Variants in DLG1 observed in about 807,000 individuals in gnomAD.
The protein encoded by DLG1 is disks large homolog 1.
In DLG1, 42 loss-of-function variants were observed where a neutral mutation model predicts 123.4. The ratio of observed to expected loss-of-function variants is 0.34; its 90% CI spans 0.27 to 0.44. The LOEUF is 0.44. DLG1 is among the 20% of genes least tolerant of loss of function. The pLI is 1.00. For synonymous variants in DLG1, 317 were observed against 356.2 expected, an observed-to-expected ratio of 0.89 and a Z score of 1.24; for missense variants, 942 against 1,082.6, an observed-to-expected ratio of 0.87 and a Z score of 1.82.
intron 5 of DLG1, among the ~76,000 whole-genome samples, chr3:197,172,896 G>A (rs948121834): frequency 2.0e-4 from 31 of 152,050 alleles, no homozygotes; most frequent in African/African-American, 7.2e-4. Context: ...TATTTTCATC[G>A]CTTTTCTATT....
chr3:197,297,387 G>T, intron 1 of DLG1, 152 bp from the exon 2 acceptor site: 3 of 1,439,964 alleles, frequency 2.1e-6, no homozygotes, highest in Admixed American at 2.8e-5. Context: ...CGCAGCAGTT[G>T]TCTGTCAACG....
chr3:197,044,125 T>C lies in DLG1; in HGVS notation c.*498A>G, dbSNP rs1450781799. On this transcript the variant is annotated 3_prime_UTR_variant, in exon 25 of 25. Transcript: ENST00000667157. ...ATTAAAAAATGTCCTTATTTATCTA[T>C]AATGAAACAATTGCTTTGATGATAG... 1 of 152,196 alleles carries C rather than the reference T, an allele frequency of 6.6e-6. No homozygotes were observed. Among genetic ancestry groups the C allele is most frequent in the African/African-American group, 2.4e-5 (1 of 41,448 alleles). The allele number at this position is 152,196 out of a possible 1,614,324, so 9.4% of individuals were successfully genotyped here.
At chr3:197,096,380 G>A (rs916945638) in intron 14 of DLG1, among the ~76,000 whole-genome samples, 3 of 152,140 alleles carry the variant, frequency 2.0e-5, no homozygotes, top group African/African-American at 4.8e-5. Flanking sequence ...TGGGCTCTGA[G>A]CATTCCCATA....
intron 5 of DLG1, among the ~76,000 whole-genome samples, chr3:197,180,445 T>C (rs13066853): frequency 0.29 from 43,609 of 152,050 alleles, 7,497 homozygotes; most frequent in East Asian, 0.72. Context: ...GGCTTCGCAA[T>C]GCATAGAGAA....
rs190880189 is a variant in DLG1, at chr3:197,122,283, C to T, written c.1166-2753G>A. 1.4e-4 allele frequency among the ~76,000 whole-genome samples: 21 copies of T among 152,032 alleles called. No homozygotes were observed. In the East Asian group the frequency reaches 4.1e-3, roughly 29 times the overall value. On this transcript the variant is annotated intron_variant, in intron 11 of 24. Coordinates refer to ENST00000667157, the MANE Select transcript of DLG1 (RefSeq NM_001366207.1). ...CAATACTTACAGGATAAAAACTCCC[C>T]ATAAACCAGGAATAAAGATTAACTT...
At chr3:197,221,218 A>C (rs1578254125) in intron 4 of DLG1, among the ~76,000 whole-genome samples, 2 of 152,194 alleles carry the variant, frequency 1.3e-5, no homozygotes, top group East Asian at 1.9e-4. Flanking sequence ...AGTGAGAAGG[A>C]TAAAGAAACA....
chr3:197,273,484 C>T lies in DLG1; in HGVS notation c.318+9195G>A, dbSNP rs1307296627. Reference sequence around the variant, plus strand: ...AACTCCTGACCTCAAGTGATCTGCCCGCCTCTGCCTCCCAAAGTGCTGGGA... The same window carrying T: ...AACTCCTGACCTCAAGTGATCTGCCTGCCTCTGCCTCCCAAAGTGCTGGGA... On this transcript the variant is annotated intron_variant, in intron 4 of 24. Transcript: ENST00000667157. Among the ~76,000 whole-genome samples, 16 of 152,072 alleles carry T rather than the reference C, an allele frequency of 1.1e-4. No homozygotes were observed. The East Asian group carries it at 1.2e-3, about 11-fold the overall frequency.
rs1299662042 is a variant in DLG1, at chr3:197,130,520, GACTT to G, written c.1165+3_1165+6del. 6.3e-7 allele frequency: 1 copy of G among 1,592,310 alleles called. No individual in the cohort carries two copies. The highest frequency in any genetic ancestry group is 1.3e-5 in the African/African-American group (1 of 74,352). ...AAATTTAAGCAAACGTATGCTAACA[GACTT>G]ACAGTTGGTGATATCAGGTGGTGCA... is the stretch of plus-strand genomic sequence containing the variant. On this transcript the variant is annotated splice_donor_5th_base_variant and intron_variant, in intron 11 of 24. Coordinates refer to ENST00000667157, the MANE Select transcript of DLG1 (RefSeq NM_001366207.1).
chr3:197,282,955 C>T lies in DLG1; in HGVS notation c.152-110G>A, dbSNP rs958089870. On this transcript the variant is annotated intron_variant, in intron 3 of 24. Transcript: ENST00000667157. The stretch of plus-strand genomic sequence containing the variant: ...CAATTTTTACTCTAGATTAGTAAAT[C>T]AATTCCCATCGTATAATGTACTTAA... 7 of 588,664 alleles carry T rather than the reference C, an allele frequency of 1.2e-5. No homozygotes were observed. In the African/African-American group the frequency reaches 1.3e-4, roughly 11 times the overall value. The allele number at this position is 588,664 out of a possible 1,614,324, so 36.5% of individuals were successfully genotyped here.
At chr3:197,176,715 G>T (rs1807296174) in intron 5 of DLG1, among the ~76,000 whole-genome samples, 1 of 152,102 alleles carries the variant, frequency 6.6e-6, no homozygotes, top group Admixed American at 6.5e-5. Flanking sequence ...TGAGGAATAT[G>T]TTGGTTGCTT....
intron 24 of DLG1, among the ~76,000 whole-genome samples, chr3:197,048,137 TAAA>T (rs1724700150): frequency 6.6e-6 from 1 of 152,202 alleles, no homozygotes; most frequent in South Asian, 2.1e-4. Context: ...CAGGTATCAG[TAAA>T]AGTGCTCAAC....
chr3:197,088,747 TG>T (rs1346454551), intron 15 of DLG1, among the ~76,000 whole-genome samples: 1 of 152,112 alleles, frequency 6.6e-6, no homozygotes, highest in Non-Finnish European at 1.5e-5. Flanking sequence ...AACTCTACAG[TG>T]GTTACTGGAA....
At chr3:197,183,615 CTG>C in intron 5 of DLG1, 1 of 1,550,496 alleles carries the variant, frequency 6.4e-7, no homozygotes, top group Non-Finnish European at 8.7e-7. Flanking sequence ...GTCAATAAAG[CTG>C]TGTCTTCGAG....
At position 197,042,917 on chromosome 3, in the gene DLG1, A is replaced by AC. The variant is rs1161497288; in HGVS notation, c.*1705dup. ...TTTTTTCTTTCAAAATTCAAGACAC[A>AC]CTTAACATATGGATTTTACAATACA... On this transcript the variant is annotated 3_prime_UTR_variant, in exon 25 of 25. Transcript: ENST00000667157. The AC allele has an allele frequency of 6.6e-6, 1 of 152,188 alleles. No homozygotes were observed. Among genetic ancestry groups the AC allele is most frequent in the Non-Finnish European group, 1.5e-5 (1 of 68,032 alleles). The allele number at this position is 152,188 out of a possible 1,614,324, so 9.4% of individuals were successfully genotyped here.
At position 197,151,616 on chromosome 3, in the gene DLG1, T is replaced by C. The variant is rs567620746; in HGVS notation, c.484-1820A>G. On this transcript the variant is annotated intron_variant, in intron 5 of 24. Transcript: ENST00000667157. ...ATAGAGTTCATTGTACTATTCTTTC[T>C]ACATTTGAATATTTCTGAAATTTTG... 3.3e-5 allele frequency among the ~76,000 whole-genome samples: 5 copies of C among 152,346 alleles called. No homozygotes were observed. In the East Asian group the frequency reaches 7.7e-4, roughly 23 times the overall value.
intron 3 of DLG1, among the ~76,000 whole-genome samples, chr3:197,286,906 T>C (rs1294482282): frequency 6.6e-6 from 1 of 150,844 alleles, no homozygotes; most frequent in Non-Finnish European, 1.5e-5. Context: ...TTTTTTTTTT[T>C]AAAGAGACAG....
intron 11 of DLG1, among the ~76,000 whole-genome samples, chr3:197,128,011 A>AG (rs1780671816): frequency 6.6e-6 from 1 of 152,134 alleles, no homozygotes; most frequent in African/African-American, 2.4e-5. Context: ...CTTGATACTG[A>AG]GGGTGGTAGT....
chr3:197,204,710 C>T lies in DLG1; in HGVS notation c.319-10121G>A, dbSNP rs1357820113. Among the ~76,000 whole-genome samples, 8 of 152,240 alleles carry T rather than the reference C, an allele frequency of 5.3e-5. No homozygotes were observed. The East Asian group carries it at 5.8e-4, about 11-fold the overall frequency. ...AACAATGCAGTGTAACAACTATTTA[C>T]GTAGCATTTACATAGAATTAGGTAT... On this transcript the variant is annotated intron_variant, in intron 4 of 24. Coordinates refer to ENST00000667157, the MANE Select transcript of DLG1 (RefSeq NM_001366207.1).
At chr3:197,297,311 C>T in intron 1 of DLG1, 76 bp from the exon 2 acceptor site, 6 of 1,560,622 alleles carry the variant, frequency 3.8e-6, no homozygotes, top group Non-Finnish European at 5.2e-6. Context: ...AAATAGAAAA[C>T]CCTCGCAGCC....
Sources: allele counts gnomAD v4.1 joint callset (sites outside exome capture counted in the v4.1 genomes callset), GRCh38; gene constraint gnomAD v4.1.1; transcripts MANE v1.5; gene names NCBI Gene and HGNC (gene_info 2026-07-23, HGNC 2026-07-21).